Variants in CD2AP observed in about 807,000 individuals in gnomAD.
CD2AP encodes the protein CD2-associated protein.
Under a neutral mutation model 85.1 loss-of-function variants are expected in CD2AP, and 46 were observed. The ratio of observed to expected loss-of-function variants is 0.54; its 90% CI spans 0.43 to 0.69. The LOEUF is 0.69. Ranked by LOEUF, CD2AP falls within the 30% of genes least tolerant of loss-of-function variation. The pLI, the probability that CD2AP is intolerant of heterozygous loss-of-function variation, is 0.00. For missense variants in CD2AP, 769 were observed against 729.5 expected, an observed-to-expected ratio of 1.05 and a Z score of -0.62; for synonymous variants, 255 against 252.9, an observed-to-expected ratio of 1.01 and a Z score of -0.08.
At chr6:47,554,593 C>T (rs183573915) in intron 4 of CD2AP, 53 bp from the exon 5 acceptor site, 358 of 1,606,976 alleles carry the variant, frequency 2.2e-4, no homozygotes, top group Middle Eastern at 3.3e-4. Flanking sequence ...CATAGGGTGA[C>T]GATTTTCACT....
intron 3 of CD2AP, among the ~76,000 whole-genome samples, chr6:47,541,431 T>A (rs889054140): frequency 6.6e-6 from 1 of 152,228 alleles, no homozygotes; most frequent in African/African-American, 2.4e-5. Flanking sequence ...GTCTGTTTGC[T>A]TTCTTTGGCT....
intron 2 of CD2AP, among the ~76,000 whole-genome samples, chr6:47,516,605 A>T (rs1474722022): frequency 6.6e-6 from 1 of 152,190 alleles, no homozygotes; most frequent in Non-Finnish European, 1.5e-5. Context: ...CTGGATTGAG[A>T]GAAGATCCTG....
At chr6:47,608,645 A>G (rs1465233020) in intron 15 of CD2AP, among the ~76,000 whole-genome samples, 1 of 152,162 alleles carries the variant, frequency 6.6e-6, no homozygotes, top group Non-Finnish European at 1.5e-5. Context: ...AATTTTATTA[A>G]AGTGACTTTC....
intron 2 of CD2AP, among the ~76,000 whole-genome samples, chr6:47,503,654 A>G (rs1015796824): frequency 2.0e-4 from 30 of 152,276 alleles, no homozygotes; most frequent in African/African-American, 5.8e-4. Flanking sequence ...TTGTGTATAT[A>G]TGCTTGTATA....
intron 5 of CD2AP, among the ~76,000 whole-genome samples, chr6:47,565,241 C>T (rs562095083): frequency 1.3e-5 from 2 of 152,174 alleles, no homozygotes; most frequent in African/African-American, 4.8e-5. Flanking sequence ...ATATAAAAGT[C>T]CAAGATAAAT....
At chr6:47,492,061 C>CT (rs1765749551) in intron 1 of CD2AP, among the ~76,000 whole-genome samples, 1 of 152,144 alleles carries the variant, frequency 6.6e-6, no homozygotes, top group African/African-American at 2.4e-5. Flanking sequence ...CAAGTATTTA[C>CT]TGTCTGTTTC....
chr6:47,593,595 A>G (rs1768858615), intron 11 of CD2AP, among the ~76,000 whole-genome samples: 1 of 152,116 alleles, frequency 6.6e-6, no homozygotes, highest in Non-Finnish European at 1.5e-5. Context: ...TCAAAACCAC[A>G]GCGAGCACCA....
intron 2 of CD2AP, among the ~76,000 whole-genome samples, chr6:47,509,873 C>T (rs1766269373): frequency 6.6e-6 from 1 of 151,878 alleles, no homozygotes; most frequent in African/African-American, 2.4e-5. Context: ...AAATTTATTG[C>T]AGTTATAGAA....
intron 5 of CD2AP, among the ~76,000 whole-genome samples, chr6:47,566,069 A>G (rs1767984192): frequency 6.6e-6 from 1 of 151,800 alleles, no homozygotes; most frequent in African/African-American, 2.4e-5. Flanking sequence ...TGCTTGTTGT[A>G]TACCTTTGTC....
At chr6:47,496,495 A>G (rs1398141380) in intron 1 of CD2AP, among the ~76,000 whole-genome samples, 1 of 152,232 alleles carries the variant, frequency 6.6e-6, no homozygotes, top group African/African-American at 2.4e-5. Context: ...GAAATAAAAT[A>G]GATTTTCTTT....
intron 1 of CD2AP, among the ~76,000 whole-genome samples, chr6:47,485,572 GAAAGAAAT>G (rs1403343393): frequency 6.6e-6 from 1 of 151,974 alleles, no homozygotes; most frequent in Non-Finnish European, 1.5e-5. Flanking sequence ...AAATTAGAAA[GAAAGAAAT>G]AAAAAAATGT....
chr6:47,555,461 A>T (rs1767655572), intron 5 of CD2AP, among the ~76,000 whole-genome samples: 1 of 152,196 alleles, frequency 6.6e-6, no homozygotes, highest in Non-Finnish European at 1.5e-5. Context: ...GGGGATTTGC[A>T]TTAGCTAATA....
Position 47,599,474 on chromosome 6 carries a change from T to TA in CD2AP, c.1417+42dup, listed in dbSNP as rs565450394. Reference sequence around the variant, plus strand: ...TCAGCATGGACAGCGGTGGTGCATTTAAAAAAAAAAATTGTCAAAGAAACT... The same window carrying TA: ...TCAGCATGGACAGCGGTGGTGCATTTAAAAAAAAAAAATTGTCAAAGAAACT... On this transcript the variant is annotated intron_variant, in intron 13 of 17. Coordinates refer to ENST00000359314, the MANE Select transcript of CD2AP (RefSeq NM_012120.3). 10,408 of 1,281,492 alleles carry TA rather than the reference T, an allele frequency of 8.1e-3. 5 individuals are homozygous for TA. Among genetic ancestry groups the TA allele is most frequent in the African/African-American group, 0.018 (1,203 of 65,972 alleles). The allele number at this position is 1,281,492 out of a possible 1,614,324, so 79.4% of individuals were successfully genotyped here. A position where few individuals can be genotyped will look rare whatever the true frequency, so the allele number is the denominator to read the frequency against.
intron 16 of CD2AP, among the ~76,000 whole-genome samples, chr6:47,610,965 ATATG>A (rs1221351811): frequency 3.2e-5 from 3 of 94,304 alleles, no homozygotes; most frequent in Admixed American, 1.3e-4. Flanking sequence ...ATATATATAT[ATATG>A]TATTTTTTTT....
At chr6:47,621,271 C>T (rs1043778728) in intron 17 of CD2AP, among the ~76,000 whole-genome samples, 8 of 152,034 alleles carry the variant, frequency 5.3e-5, no homozygotes, top group Non-Finnish European at 8.8e-5. Flanking sequence ...TGGATGTTGT[C>T]GAATGTTTTT....
intron 5 of CD2AP, among the ~76,000 whole-genome samples, chr6:47,563,412 T>C (rs1426563013): frequency 6.6e-6 from 1 of 152,206 alleles, no homozygotes; most frequent in East Asian, 1.9e-4. Flanking sequence ...GAAAATATAA[T>C]CTGCAACTTT....
At chr6:47,525,872 T>G (rs548521628) in intron 2 of CD2AP, among the ~76,000 whole-genome samples, 1 of 152,298 alleles carries the variant, frequency 6.6e-6, no homozygotes, top group African/African-American at 2.4e-5. Flanking sequence ...CATTACCTAT[T>G]GTGCAAGTGG....
chr6:47,624,437 CTG>C lies in CD2AP; in HGVS notation c.*213_*214del. 1.8e-6 allele frequency: 1 copy of C among 545,390 alleles called. No homozygotes were observed. Among genetic ancestry groups the C allele is most frequent in the Non-Finnish European group, 3.2e-6 (1 of 308,238 alleles). 33.8% of individuals were successfully genotyped at this position (545,390 alleles called of 1,614,324 possible). Reference sequence around the variant, plus strand: ...AAGAAAAAGAGGCCTTATTTCTTAACTGTGCTGGGATTGCAAACACTTTTTAA... The same window carrying C: ...AAGAAAAAGAGGCCTTATTTCTTAACTGCTGGGATTGCAAACACTTTTTAA... On this transcript the variant is annotated 3_prime_UTR_variant, in exon 18 of 18. Coordinates refer to ENST00000359314, the MANE Select transcript of CD2AP (RefSeq NM_012120.3).
At chr6:47,514,289 A>G (rs1379639202) in intron 2 of CD2AP, among the ~76,000 whole-genome samples, 1 of 152,088 alleles carries the variant, frequency 6.6e-6, no homozygotes, top group Non-Finnish European at 1.5e-5. Flanking sequence ...TTTTTAAGTC[A>G]TTTCATTTTT....
Sources: allele counts gnomAD v4.1 joint callset (sites outside exome capture counted in the v4.1 genomes callset), GRCh38; gene constraint gnomAD v4.1.1; transcripts MANE v1.5; gene names NCBI Gene and HGNC (gene_info 2026-07-23, HGNC 2026-07-21).